Variants in CEP112 observed in about 807,000 individuals in gnomAD.
CEP112 encodes the protein centrosomal protein of 112 kDa.
In CEP112, 127 loss-of-function variants were observed where a neutral mutation model predicts 153.0. The ratio of observed to expected loss-of-function variants is 0.83; its 90% confidence interval spans 0.72 to 0.96. The LOEUF is 0.96. Ranked by LOEUF, CEP112 falls within the 40% of genes least tolerant of loss-of-function variation. CEP112 has a pLI of 0.00. For missense variants in CEP112, 1,089 were observed against 1,101.2 expected, an observed-to-expected ratio of 0.99 and a Z score of 0.16; for synonymous variants, 358 against 374.4, an observed-to-expected ratio of 0.96 and a Z score of 0.51.
At chr17:65,974,148 C>T (rs1163566242) in intron 17 of CEP112, among the ~76,000 whole-genome samples, 2 of 151,928 alleles carry the variant, frequency 1.3e-5, no homozygotes, top group Non-Finnish European at 2.9e-5. Flanking sequence ...GAGATCACAA[C>T]TCACTGCAGC....
intron 23 of CEP112, among the ~76,000 whole-genome samples, chr17:65,721,009 C>CTTTT (rs57507655): frequency 8.7e-5 from 11 of 125,736 alleles, no homozygotes; most frequent in Non-Finnish European, 1.5e-4. Flanking sequence ...CTCTCTCTCT[C>CTTTT]TTTTTTTTTT....
chr17:65,766,055 A>C (rs1475046960), intron 21 of CEP112, among the ~76,000 whole-genome samples: 2 of 149,438 alleles, frequency 1.3e-5, no homozygotes, highest in African/African-American at 4.9e-5. Flanking sequence ...AAAATAAGAA[A>C]AGGAAACTCA....
chr17:65,971,470 A>G (rs548793576), intron 17 of CEP112, among the ~76,000 whole-genome samples: 23 of 106,938 alleles, frequency 2.2e-4, no homozygotes, highest in African/African-American at 6.2e-4. Flanking sequence ...ACACACATGT[A>G]TCATGCATGT....
rs187988241 is a variant in CEP112, at chr17:66,021,279, G to T, written c.1656+6222C>A. On this transcript the variant is annotated intron_variant, in intron 16 of 26. Coordinates refer to ENST00000535342, the MANE Select transcript of CEP112 (RefSeq NM_001199165.4). ...GCGGCAGCACCAGCATTAGTCTTGGGCCAGGATTTGGAGTGCTGGATCTGG... is the reference window on the plus strand; with the variant it reads ...GCGGCAGCACCAGCATTAGTCTTGGTCCAGGATTTGGAGTGCTGGATCTGG... Among the ~76,000 whole-genome samples, 990 of 152,222 alleles carry T rather than the reference G, an allele frequency of 6.5e-3. 3 individuals are homozygous for T. The highest frequency in any genetic ancestry group is 0.013 in the South Asian group (64 of 4,828).
chr17:65,971,506 A>G (rs1422849483), intron 17 of CEP112, among the ~76,000 whole-genome samples: 1 of 150,858 alleles, frequency 6.6e-6, no homozygotes, highest in African/African-American at 2.4e-5. Context: ...TACATATCAC[A>G]CATGCACATT....
chr17:66,033,850 G>T (rs1055543455), intron 12 of CEP112, among the ~76,000 whole-genome samples: 3 of 152,172 alleles, frequency 2.0e-5, no homozygotes, highest in African/African-American at 7.2e-5. Context: ...TGCTTAGCTT[G>T]TAGTAGGTAT....
At chr17:65,719,049 G>A (rs1250151547) in intron 23 of CEP112, among the ~76,000 whole-genome samples, 1 of 152,246 alleles carries the variant, frequency 6.6e-6, no homozygotes, top group Non-Finnish European at 1.5e-5. Context: ...CTGCATATGT[G>A]TTGTCACATC....
chr17:65,706,520 T>G (rs891501232), intron 23 of CEP112, among the ~76,000 whole-genome samples: 3 of 152,174 alleles, frequency 2.0e-5, no homozygotes, highest in African/African-American at 4.8e-5. Context: ...TACACACAGT[T>G]ACTTCCTAGA....
intron 4 of CEP112, among the ~76,000 whole-genome samples, chr17:66,158,075 C>T (rs1487674371): frequency 1.3e-5 from 2 of 152,176 alleles, no homozygotes; most frequent in African/African-American, 4.8e-5. Flanking sequence ...CCCAAATCAA[C>T]AGAATATACA....
At chr17:66,050,205 G>A (rs1226095719) in intron 12 of CEP112, among the ~76,000 whole-genome samples, 1 of 152,174 alleles carries the variant, frequency 6.6e-6, no homozygotes, top group Non-Finnish European at 1.5e-5. Flanking sequence ...TGGCTCCAGT[G>A]TCTTCTGGAA....
intron 6 of CEP112, among the ~76,000 whole-genome samples, chr17:66,114,562 G>C (rs1237120034): frequency 6.6e-6 from 1 of 152,078 alleles, no homozygotes; most frequent in African/African-American, 2.4e-5. Context: ...TCTCTCCATA[G>C]AACAAAATAA....
intron 21 of CEP112, among the ~76,000 whole-genome samples, chr17:65,759,350 T>C (rs2052471660): frequency 6.6e-6 from 1 of 152,140 alleles, no homozygotes; most frequent in South Asian, 2.1e-4. Context: ...CAACCCTGAA[T>C]TCTTTCTTGC....
At chr17:65,652,308 C>T (rs1052290238) in intron 24 of CEP112, among the ~76,000 whole-genome samples, 1 of 151,928 alleles carries the variant, frequency 6.6e-6, no homozygotes. Context: ...TGTGTGCTCC[C>T]AGAAAGAGTA....
At chr17:65,669,970 T>C (rs576842279) in intron 24 of CEP112, among the ~76,000 whole-genome samples, 30 of 151,894 alleles carry the variant, frequency 2.0e-4, no homozygotes, top group African/African-American at 7.2e-4. Flanking sequence ...CAAATTAACC[T>C]TGGGAATCTC....
intron 6 of CEP112, among the ~76,000 whole-genome samples, chr17:66,122,423 T>C (rs2069643310): frequency 6.6e-6 from 1 of 152,214 alleles, no homozygotes; most frequent in South Asian, 2.1e-4. Flanking sequence ...CTTTGGACAC[T>C]GATTCCCCTC....
At chr17:65,904,180 C>CA (rs2059982645) in intron 19 of CEP112, among the ~76,000 whole-genome samples, 1 of 152,170 alleles carries the variant, frequency 6.6e-6, no homozygotes, top group African/African-American at 2.4e-5. Context: ...TTGCAGATGA[C>CA]ATGATTGTAT....
intron 16 of CEP112, among the ~76,000 whole-genome samples, chr17:66,012,489 C>T (rs2064576397): frequency 6.6e-6 from 1 of 152,092 alleles, no homozygotes; most frequent in African/African-American, 2.4e-5. Context: ...GCTTATAAAG[C>T]TTAGTTTGCT....
intron 21 of CEP112, among the ~76,000 whole-genome samples, chr17:65,813,416 A>G (rs1250897165): frequency 6.6e-6 from 1 of 152,214 alleles, no homozygotes; most frequent in East Asian, 1.9e-4. Context: ...ACAAGCATGA[A>G]TTGGTTCATA....
intron 11 of CEP112, among the ~76,000 whole-genome samples, chr17:66,059,768 C>T (rs1325465867): frequency 6.6e-6 from 1 of 152,118 alleles, no homozygotes; most frequent in African/African-American, 2.4e-5. Context: ...AGAACAACTA[C>T]CATTTGACCC....
Sources: allele counts gnomAD v4.1 joint callset (sites outside exome capture counted in the v4.1 genomes callset), GRCh38; gene constraint gnomAD v4.1.1; transcripts MANE v1.5; gene names NCBI Gene and HGNC (gene_info 2026-07-23, HGNC 2026-07-21).